The following CNTROB variants were observed in gnomAD, a reference collection of about 807,000 sequenced individuals.
CNTROB encodes the protein centrobin, centriole duplication and spindle assembly protein, also known as centrobin.
In CNTROB, 82 loss-of-function variants were observed where a neutral mutation model predicts 115.7. The ratio of observed to expected loss-of-function variants is 0.71; its 90% CI spans 0.59 to 0.85. CNTROB has a LOEUF of 0.85. Ranked by LOEUF, CNTROB falls within the 40% of genes least tolerant of loss-of-function variation. CNTROB has a pLI of 0.00. For missense variants in CNTROB, 1,014 were observed against 1,144.4 expected, an observed-to-expected ratio of 0.89 and a Z score of 1.64; for synonymous variants, 439 against 456.4, an observed-to-expected ratio of 0.96 and a Z score of 0.49.
In CNTROB at chr17:7,948,864, T is replaced by G. The variant is rs991188659; in HGVS notation, c.2514-221T>G. 1 of 1,456,020 alleles carries G rather than the reference T, an allele frequency of 6.9e-7. No individual in the cohort carries two copies. Among genetic ancestry groups the G allele is most frequent in the Non-Finnish European group, 9.1e-7 (1 of 1,104,550 alleles). 90.2% of individuals were successfully genotyped at this position (1,456,020 alleles called of 1,614,324 possible). A position where few individuals can be genotyped will look rare whatever the true frequency, so the allele number is the denominator to read the frequency against. On this transcript the variant is annotated intron_variant, in intron 17 of 18. Transcript: ENST00000563694. This position sits in a 1 kb window ranked among gnomAD's most constrained non-coding sequence, Gnocchi z 4.4. ...CCGGGTCTCTCTACCTTCGTTTTTT[T>G]CCTCTTTACCCCTCAGCTCAAAACT...
chr17:7,949,013 G>A, intron 17 of CNTROB, 72 bp from the exon 18 acceptor site: 1 of 1,611,678 alleles, frequency 6.2e-7, no homozygotes, highest in South Asian at 1.1e-5. Flanking sequence ...TTGGGGAGTA[G>A]TTCTTCCATC....
At chr17:7,941,284 C>A (rs1026898556) in intron 9 of CNTROB, among the ~76,000 whole-genome samples, 3 of 152,130 alleles carry the variant, frequency 2.0e-5, no homozygotes, top group Admixed American at 2.0e-4. Flanking sequence ...AAGGAGGTAC[C>A]AGTGAGGCCA....
At chr17:7,934,085 G>A (rs1972852191) in intron 1 of CNTROB, 53 bp from the exon 2 acceptor site, 1 of 1,469,062 alleles carries the variant, frequency 6.8e-7, no homozygotes, top group Non-Finnish European at 9.5e-7. Context: ...CTGGCAATAG[G>A]TAGGAGATAG....
In CNTROB at chr17:7,945,779, G is replaced by C; in HGVS notation, c.1786G>C (p.Glu596Gln). The C allele has an allele frequency of 6.2e-7, 1 of 1,614,234 alleles. No individual in the cohort carries two copies. Residue 596 changes from glutamate to glutamine, a missense_variant, in exon 13 of 19, where the codon GAG becomes CAG. Physicochemically the swap from Glu to Gln is conservative, Grantham distance 29. Coordinates refer to ENST00000563694, the MANE Select transcript of CNTROB (RefSeq NM_053051.5). ...CGGGCCTCAGGAGCCCGAGAAGGAG[G>C]AGAGGAGGGTCTGGACTATGCCTCC... is the stretch of plus-strand genomic sequence containing the variant. ...SPGPQEPEKE[E>Q]RRVWTMPPMA...
intron 13 of CNTROB, 35 bp from the exon 14 acceptor site, chr17:7,947,536 C>T (rs1974686635): frequency 1.3e-6 from 2 of 1,566,938 alleles, no homozygotes; most frequent in Non-Finnish European, 8.7e-7. Flanking sequence ...CCCCTGAACA[C>T]ACTTGCACCC....
At position 7,948,297 on chromosome 17, in the gene CNTROB, AGTG is replaced by A. The variant is rs1177163248; in HGVS notation, c.2353_2355del (p.Gly785del). 5 of 1,614,124 alleles carry A rather than the reference AGTG, an allele frequency of 3.1e-6. No individual in the cohort carries two copies. The Admixed American group carries it at 8.3e-5, about 27-fold the overall frequency. On this transcript the variant is annotated inframe_deletion, in exon 16 of 19. Coordinates refer to ENST00000563694, the MANE Select transcript of CNTROB (RefSeq NM_053051.5). The surrounding 1 kb of genome is among the most constrained non-coding windows in gnomAD (Gnocchi z 4.4). ...GCCTCCCTCCTCCCATTCACAAGGC[AGTG>A]GTCCCAGCAGTGGTTCCCCAGAGAG...
At chr17:7,946,013 T>G (rs1476925669) in intron 13 of CNTROB, 27 bp downstream of exon 13, 2 of 1,608,074 alleles carry the variant, frequency 1.2e-6, no homozygotes, top group Admixed American at 3.4e-5. Flanking sequence ...GTCACTGGGG[T>G]TCCCCTTCTG....
chr17:7,932,839 C>G lies in CNTROB; in HGVS notation c.-241C>G. On this transcript the variant is annotated 5_prime_UTR_variant, in exon 1 of 19. Coordinates refer to ENST00000563694, the MANE Select transcript of CNTROB (RefSeq NM_053051.5). Reference sequence around the variant, plus strand: ...CCGCACCCGCTCTGCGCTGCACCCTCTTAACGCTGTTCCCAGGAGCTGGGG... The same window carrying G: ...CCGCACCCGCTCTGCGCTGCACCCTGTTAACGCTGTTCCCAGGAGCTGGGG... 1 of 558,090 alleles carries G rather than the reference C, an allele frequency of 1.8e-6. No homozygotes were observed. Among genetic ancestry groups the G allele is most frequent in the East Asian group, 3.0e-5 (1 of 32,974 alleles). 34.6% of individuals were successfully genotyped at this position (558,090 alleles called of 1,614,324 possible).
chr17:7,947,705 A>G lies in CNTROB; in HGVS notation c.2128A>G (p.Lys710Glu), dbSNP rs1038124430. 6.2e-7 allele frequency: 1 copy of G among 1,611,550 alleles called. No individual in the cohort carries two copies. The highest frequency in any genetic ancestry group is 8.5e-7 in the Non-Finnish European group (1 of 1,178,210). The change falls in exon 14 of 19, where the codon AAG becomes GAG. Residue 710 changes from lysine (K) to glutamate (E), a missense_variant. By Grantham distance (56) the Lys-to-Glu change is moderately conservative. Coordinates refer to ENST00000563694, the MANE Select transcript of CNTROB (RefSeq NM_053051.5). ...GLPPAQLEGL[K>E]NFLHQLLETV... ...GCCGCCTGCTCAGCTGGAGGGCCTCAAGAATTTTTTGCACCAGGTAAGAGA... is the reference window on the plus strand; with the variant it reads ...GCCGCCTGCTCAGCTGGAGGGCCTCGAGAATTTTTTGCACCAGGTAAGAGA...
intron 9 of CNTROB, among the ~76,000 whole-genome samples, chr17:7,942,480 G>A (rs1003535600): frequency 6.6e-6 from 1 of 151,006 alleles, no homozygotes; most frequent in Non-Finnish European, 1.5e-5. Context: ...ACCTGTAGTT[G>A]CAGCTACTTG....
At position 7,933,355 on chromosome 17, in the gene CNTROB, G is replaced by A. The variant is rs1598052681; in HGVS notation, c.270+6G>A. 6.2e-7 allele frequency: 1 copy of A among 1,610,158 alleles called. No individual in the cohort carries two copies. Among genetic ancestry groups the A allele is most frequent in the Non-Finnish European group, 8.5e-7 (1 of 1,177,792 alleles). On this transcript the variant is annotated splice_donor_region_variant and intron_variant, in intron 1 of 18. Transcript: ENST00000563694. ...AAAAGAACTTGAAGAAAAAGGTGAG[G>A]GAAGTGTGTCTTGGAGACCACTGTG...
intron 9 of CNTROB, among the ~76,000 whole-genome samples, chr17:7,940,444 A>T (rs1973726988): frequency 6.6e-6 from 1 of 152,220 alleles, no homozygotes; most frequent in East Asian, 1.9e-4. Context: ...ACAATATGTC[A>T]GACTGACCTA....
At chr17:7,936,631 A>AC (rs1973214123) in intron 5 of CNTROB, 70 bp from the exon 6 acceptor site, 1 of 815,618 alleles carries the variant, frequency 1.2e-6, no homozygotes, top group Non-Finnish European at 2.2e-6. Context: ...ATGGCTGTTG[A>AC]CCCTGCCCCT....
In CNTROB at chr17:7,949,100, G is replaced by A. The variant is rs753279740; in HGVS notation, c.2529G>A (p.Gly843=). 1.2e-6 allele frequency: 2 copies of A among 1,613,936 alleles called. No homozygotes were observed. Among genetic ancestry groups the A allele is most frequent in the African/African-American group, 2.7e-5 (2 of 74,890 alleles). ...RLEHSGTDGR[G]DNVPRRNTDS... is the part of the protein sequence containing the mutation. ...TGTGTAGCAGGACTGATGGCCGAGG[G>A]GATAATGTCCCCAGAAGGAACACAG... is the stretch of plus-strand genomic sequence containing the variant. The change falls in exon 18 of 19, where the codon GGG becomes GGA. Residue 843 remains glycine, a synonymous_variant. Coordinates refer to ENST00000563694, the MANE Select transcript of CNTROB (RefSeq NM_053051.5).
At chr17:7,949,338 A>G in intron 18 of CNTROB, 47 bp from the exon 19 acceptor site, 1 of 1,609,372 alleles carries the variant, frequency 6.2e-7, no homozygotes, top group Non-Finnish European at 8.5e-7. Flanking sequence ...TGGGGAATTG[A>G]GAGGATCTGA....
intron 6 of CNTROB, 108 bp downstream of exon 6, chr17:7,936,925 T>A: frequency 1.3e-6 from 1 of 756,192 alleles, no homozygotes; most frequent in South Asian, 1.5e-5. Flanking sequence ...GACCTCAGTC[T>A]TGTAGTGGCT....
intron 13 of CNTROB, among the ~76,000 whole-genome samples, chr17:7,946,929 G>C (rs1373900696): frequency 6.6e-6 from 1 of 151,924 alleles, no homozygotes; most frequent in Admixed American, 6.6e-5. Flanking sequence ...GGGAGGCCGA[G>C]GCGGGCAGAT....
In CNTROB at chr17:7,939,389, C is replaced by T. The variant is rs181760364; in HGVS notation, c.928-124C>T. 42 of 837,012 alleles carry T rather than the reference C, an allele frequency of 5.0e-5. No homozygotes were observed. In the East Asian group the frequency reaches 6.6e-4, roughly 13 times the overall value. The allele number at this position is 837,012 out of a possible 1,614,324, so 51.8% of individuals were successfully genotyped here. ...GATTACAGGTGTGAGCCACCGCACC[C>T]GGCCTAATTATTGTGTTTTTAATGA... On this transcript the variant is annotated intron_variant, in intron 7 of 18. Coordinates refer to ENST00000563694, the MANE Select transcript of CNTROB (RefSeq NM_053051.5). This position sits in a 1 kb window ranked among gnomAD's most constrained non-coding sequence, Gnocchi z 4.4.
intron 1 of CNTROB, 134 bp from the exon 2 acceptor site, chr17:7,934,004 G>T: frequency 1.5e-6 from 1 of 675,084 alleles, no homozygotes; most frequent in East Asian, 2.5e-5. Flanking sequence ...TCTGATTCAA[G>T]TTTAGGACAT....
Sources: gnomAD v4.1 joint callset for allele counts (sites outside exome capture counted in the v4.1 genomes callset) on GRCh38, gnomAD v4.1.1 for gene constraint, Gnocchi (gnomAD v3.1) non-coding constraint, MANE v1.5 for transcripts, NCBI Gene and HGNC (gene_info 2026-07-23, HGNC 2026-07-21) for gene names.